ZNF107: variants seen among roughly 807,000 people sequenced by gnomAD.
ZNF107 encodes the protein C2H2 type zinc-finger protein.
Under a neutral mutation model 12.3 loss-of-function variants are expected in ZNF107, and 19 were observed. That is an observed-to-expected ratio of 1.55 (90% CI 1.08 to 2.27). The LOEUF (loss-of-function observed/expected upper bound fraction) is 2.27. Among genes scored for constraint, ZNF107 ranks in the 30% most tolerant of loss-of-function variants. The probability of loss-of-function intolerance (pLI) is 0.00; values close to 1 mark genes in which losing one functional copy is unlikely to be tolerated. For synonymous variants in ZNF107, 317 were observed against 330.5 expected, an observed-to-expected ratio of 0.96 and a Z score of 0.44; for missense variants, 958 against 979.9, an observed-to-expected ratio of 0.98 and a Z score of 0.30.
At chr7:64,690,323 T>TG in intron 1 of ZNF107, 27 of 977,348 alleles carry the variant, frequency 2.8e-5, no homozygotes, top group Non-Finnish European at 3.3e-5. Context: ...GTTGATGGGT[T>TG]GAGCAGAGTA....
rs1290403572 is a variant in ZNF107, at chr7:64,687,543, CG to C, written c.4-3703del. 3.0e-6 allele frequency: 3 copies of C among 985,256 alleles called. No homozygotes were observed. In the African/African-American group the frequency reaches 5.2e-5, roughly 17 times the overall value. The allele number at this position is 985,256 out of a possible 1,614,324, so 61.0% of individuals were successfully genotyped here. A position where few individuals can be genotyped will look rare whatever the true frequency, so the allele number is the denominator to read the frequency against. ...AGAGAGGACACAAGCTACCAGGAGA[CG>C]GCAAGCAGGAGGCACCTGGCTTTAA... On this transcript the variant is annotated intron_variant, in intron 1 of 3. Coordinates refer to ENST00000620827, the MANE Select transcript of ZNF107 (RefSeq NM_001282359.2).
chr7:64,697,908 C>A (rs1452878163), intron 3 of ZNF107, among the ~76,000 whole-genome samples: 5 of 152,118 alleles, frequency 3.3e-5, no homozygotes. Context: ...TCTCGAACTC[C>A]TGACCTCGTG....
chr7:64,707,465 A>G lies in ZNF107; in HGVS notation c.1368A>G (p.Glu456=), dbSNP rs1231102342. The change falls in exon 4 of 4, where the codon GAA becomes GAG. Residue 456 remains glutamate, a synonymous_variant. Coordinates refer to ENST00000620827, the MANE Select transcript of ZNF107 (RefSeq NM_001282359.2). ...IHTAEKSYKC[E]ECGKAFNQHS... ...CTGCAGAGAAATCCTATAAATGTGAAGAATGTGGCAAAGCTTTTAACCAAC... is the reference window on the plus strand; with the variant it reads ...CTGCAGAGAAATCCTATAAATGTGAGGAATGTGGCAAAGCTTTTAACCAAC... The G allele has an allele frequency of 1.2e-6, 2 of 1,613,256 alleles. No homozygotes were observed. Among genetic ancestry groups the G allele is most frequent in the African/African-American group, 2.7e-5 (2 of 74,966 alleles).
At chr7:64,669,578 G>C (rs2128955343) in intron 1 of ZNF107, among the ~76,000 whole-genome samples, 1 of 152,204 alleles carries the variant, frequency 6.6e-6, no homozygotes, top group African/African-American at 2.4e-5. Context: ...CGGATCACCT[G>C]AGGTCAAGAG....
chr7:64,666,614 C>T (rs1346812294), intron 1 of ZNF107, among the ~76,000 whole-genome samples: 1 of 152,176 alleles, frequency 6.6e-6, no homozygotes, highest in African/African-American at 2.4e-5. Context: ...TGCAGGGATG[C>T]CGGGAGGGTC....
rs541090623 is a variant in ZNF107 at position 64,699,786 on chromosome 7, C to T, written c.227-6538C>T. On this transcript the variant is annotated intron_variant, in intron 3 of 3. Coordinates refer to ENST00000620827, the MANE Select transcript of ZNF107 (RefSeq NM_001282359.2). ...TGCAAATAAGAATATTGTACATTCT[C>T]GGCCGGGCGTGGTGGCTCACGCCTG... is the stretch of plus-strand genomic sequence containing the variant. Among the ~76,000 whole-genome samples, 730 of 152,068 alleles carry T rather than the reference C, an allele frequency of 4.8e-3. 4 individuals are homozygous for T. Among genetic ancestry groups the T allele is most frequent in the Non-Finnish European group, 8.3e-3 (561 of 67,978 alleles).
chr7:64,681,150 G>A (rs1408663045), intron 1 of ZNF107, among the ~76,000 whole-genome samples: 1 of 152,082 alleles, frequency 6.6e-6, no homozygotes, highest in Non-Finnish European at 1.5e-5. Context: ...TGGCGGCTGA[G>A]GAATGACACT....
rs1287067226 is a variant in ZNF107, at chr7:64,710,590, A to AT, written c.*1941dup. ...TGTATATAACTTTAAAAGAAGTAGAATTTTTTTGTAGATGTATAATTACAT... is the reference window on the plus strand; with the variant it reads ...TGTATATAACTTTAAAAGAAGTAGAATTTTTTTTGTAGATGTATAATTACAT... On this transcript the variant is annotated 3_prime_UTR_variant, in exon 4 of 4. Coordinates refer to ENST00000620827, the MANE Select transcript of ZNF107 (RefSeq NM_001282359.2). 2.0e-4 allele frequency: 30 copies of AT among 152,218 alleles called. No individual in the cohort carries two copies. The East Asian group carries it at 5.6e-3, about 28-fold the overall frequency. 9.4% of individuals were successfully genotyped at this position (152,218 alleles called of 1,614,324 possible).
At chr7:64,699,783 T>C (rs1029082122) in intron 3 of ZNF107, among the ~76,000 whole-genome samples, 2 of 152,018 alleles carry the variant, frequency 1.3e-5, no homozygotes, top group Admixed American at 6.6e-5. Context: ...TATTGTACAT[T>C]CTCGGCCGGG....
At chr7:64,692,178 C>T (rs1209705024) in intron 3 of ZNF107, among the ~76,000 whole-genome samples, 1 of 152,136 alleles carries the variant, frequency 6.6e-6, no homozygotes, top group East Asian at 1.9e-4. Context: ...AGTGATCTTT[C>T]TTCAAGTTCA....
At chr7:64,686,707 C>A (rs939544358) in intron 1 of ZNF107, 1 of 935,234 alleles carries the variant, frequency 1.1e-6, no homozygotes. Context: ...AGAAGAACAA[C>A]GGGTTTCTGT....
chr7:64,709,757 GAGTT>G lies in ZNF107; in HGVS notation c.*1105_*1108del, dbSNP rs1227037489. ...TGCTCAGATTTTACTCAACATTAGA[GAGTT>G]AGTACGTAATAAAAGCATTATAAAT... is the stretch of plus-strand genomic sequence containing the variant. On this transcript the variant is annotated 3_prime_UTR_variant, in exon 4 of 4. Coordinates refer to ENST00000620827, the MANE Select transcript of ZNF107 (RefSeq NM_001282359.2). 3 of 454,620 alleles carry G rather than the reference GAGTT, an allele frequency of 6.6e-6. No homozygotes were observed. Among genetic ancestry groups the G allele is most frequent in the African/African-American group, 4.0e-5 (2 of 49,956 alleles). 28.2% of individuals were successfully genotyped at this position (454,620 alleles called of 1,614,324 possible). A position where few individuals can be genotyped will look rare whatever the true frequency, so the allele number is the denominator to read the frequency against.
rs1285823473 is a variant in ZNF107, at chr7:64,711,544, G to A, written c.*2888G>A. The A allele has an allele frequency of 7.0e-6, 1 of 142,978 alleles. No homozygotes were observed. The highest frequency in any genetic ancestry group is 1.5e-5 in the Non-Finnish European group (1 of 66,158). 8.9% of individuals were successfully genotyped at this position (142,978 alleles called of 1,614,324 possible). On this transcript the variant is annotated 3_prime_UTR_variant, in exon 4 of 4. Transcript: ENST00000620827. ...ATATACAAGTATAAATAAACCATGA[G>A]AAAATTCTGAGTTCTGAATAAACAT...
rs573254102 is a variant in ZNF107 at position 64,706,323 on chromosome 7, G to A, written c.227-1G>A. The A allele has an allele frequency of 1.4e-5, 22 of 1,527,390 alleles. No individual in the cohort carries two copies. The South Asian group carries it at 2.6e-4, about 18-fold the overall frequency. 94.6% of individuals were successfully genotyped at this position (1,527,390 alleles called of 1,614,324 possible). A position where few individuals can be genotyped will look rare whatever the true frequency, so the allele number is the denominator to read the frequency against. On this transcript the variant is annotated splice_acceptor_variant, in intron 3 of 3. Coordinates refer to ENST00000620827, the MANE Select transcript of ZNF107 (RefSeq NM_001282359.2). LOFTEE classifies it high-confidence loss of function. ...TAATTTATTATTTTTATTTCTTTCA[G>A]TAATGTCTTTTCATTTTGCCCAAGA... is the stretch of plus-strand genomic sequence containing the variant.
chr7:64,696,955 T>C (rs1298075164), intron 3 of ZNF107, among the ~76,000 whole-genome samples: 4 of 152,140 alleles, frequency 2.6e-5, no homozygotes, highest in Non-Finnish European at 4.4e-5. Flanking sequence ...CTCCTAATGC[T>C]ATCCCTCCCC....
At chr7:64,677,124 T>C (rs1350548166) in intron 1 of ZNF107, among the ~76,000 whole-genome samples, 1 of 152,030 alleles carries the variant, frequency 6.6e-6, no homozygotes, top group Non-Finnish European at 1.5e-5. Flanking sequence ...AAAAACCTCC[T>C]AAAATGATTG....
intron 3 of ZNF107, among the ~76,000 whole-genome samples, chr7:64,696,173 C>T (rs1790279610): frequency 6.6e-6 from 1 of 152,058 alleles, no homozygotes; most frequent in South Asian, 2.1e-4. Context: ...CTGCCTCAGC[C>T]TCCCAAGTAG....
At chr7:64,696,211 G>A (rs1297581148) in intron 3 of ZNF107, among the ~76,000 whole-genome samples, 2 of 151,954 alleles carry the variant, frequency 1.3e-5, no homozygotes, top group African/African-American at 4.8e-5. Context: ...CACCACCATG[G>A]CTGGCTAATT....
At chr7:64,697,810 C>T (rs907227525) in intron 3 of ZNF107, among the ~76,000 whole-genome samples, 2 of 151,946 alleles carry the variant, frequency 1.3e-5, no homozygotes, top group Non-Finnish European at 2.9e-5. Context: ...CCTGCCTCAG[C>T]CTCTCCGAGT....
Sources: allele counts gnomAD v4.1 joint callset (sites outside exome capture counted in the v4.1 genomes callset), GRCh38; gene constraint gnomAD v4.1.1; transcripts MANE v1.5; gene names NCBI Gene and HGNC (gene_info 2026-07-23, HGNC 2026-07-21).